FHIT: variants seen among roughly 807,000 people sequenced by gnomAD.
FHIT encodes bis(5'-adenosyl)-triphosphatase.
Under a neutral mutation model 17.9 loss-of-function variants are expected in FHIT, and 19 were observed. The observed-to-expected ratio is 1.06, with a 90% confidence interval of 0.74 to 1.56. The LOEUF is 1.56. Among genes scored for constraint, FHIT ranks in the 40% most tolerant of loss-of-function variants. FHIT has a pLI of 0.00. For missense variants in FHIT, 248 were observed against 189.2 expected (o/e 1.31, Z -1.82); for synonymous variants, 81 against 69.7 (o/e 1.16, Z -0.81).
At chr3:60,079,802 T>G (rs1319358312) in intron 5 of FHIT, among the ~76,000 whole-genome samples, 1 of 151,990 alleles carries the variant, frequency 6.6e-6, no homozygotes, top group African/African-American at 2.4e-5. Context: ...GCCCAGAAAA[T>G]TCTAAGTAAA....
At chr3:61,037,755 C>T (rs892911189) in intron 3 of FHIT, among the ~76,000 whole-genome samples, 4 of 152,220 alleles carry the variant, frequency 2.6e-5, no homozygotes, top group African/African-American at 9.6e-5. Context: ...TATCCTTCTG[C>T]CATTGGATGA....
intron 2 of FHIT, among the ~76,000 whole-genome samples, chr3:61,177,733 C>G (rs757015317): frequency 6.6e-6 from 1 of 152,136 alleles, no homozygotes; most frequent in East Asian, 1.9e-4. Flanking sequence ...ATGACTGATA[C>G]GTTTGCCTTT....
chr3:60,396,315 G>A (rs1420987132), intron 5 of FHIT, among the ~76,000 whole-genome samples: 1 of 152,152 alleles, frequency 6.6e-6, no homozygotes, highest in Non-Finnish European at 1.5e-5. Flanking sequence ...GGGATCTAGA[G>A]AAAACAGCTA....
intron 3 of FHIT, among the ~76,000 whole-genome samples, chr3:60,978,856 T>A (rs1184109797): frequency 6.6e-6 from 1 of 152,192 alleles, no homozygotes; most frequent in East Asian, 1.9e-4. Flanking sequence ...ATACCATGAC[T>A]TTGGCTCTTC....
At chr3:60,706,159 C>T (rs572296933) in intron 4 of FHIT, among the ~76,000 whole-genome samples, 6 of 146,122 alleles carry the variant, frequency 4.1e-5, no homozygotes, top group Middle Eastern at 3.5e-3. Context: ...AACCAGACAG[C>T]GTATGTTCTC....
intron 4 of FHIT, among the ~76,000 whole-genome samples, chr3:60,560,550 C>A (rs1012666632): frequency 9.2e-5 from 14 of 151,976 alleles, no homozygotes; most frequent in South Asian, 2.1e-4. Context: ...GTTCCCTCAC[C>A]CCAGGTCTGC....
intron 5 of FHIT, among the ~76,000 whole-genome samples, chr3:60,264,569 C>T (rs1706473912): frequency 6.6e-6 from 1 of 151,936 alleles, no homozygotes. Context: ...AACAATAATA[C>T]ATTAAGAGAG....
intron 3 of FHIT, among the ~76,000 whole-genome samples, chr3:60,955,608 A>ATATATATACATATATATATATACATG (rs1559862231): frequency 1.0e-4 from 1 of 9,672 alleles, no homozygotes; most frequent in Non-Finnish European, 3.3e-4. Context: ...ATATATATAT[A>ATATATATACATATATATATATACATG]TATATATATA....
chr3:60,701,940 T>C (rs1486015661), intron 4 of FHIT, among the ~76,000 whole-genome samples: 1 of 152,200 alleles, frequency 6.6e-6, no homozygotes, highest in Non-Finnish European at 1.5e-5. Context: ...AGAAGCAAGA[T>C]GGAATCAGTA....
At chr3:60,086,205 T>C (rs1414394215) in intron 5 of FHIT, among the ~76,000 whole-genome samples, 2 of 152,086 alleles carry the variant, frequency 1.3e-5, no homozygotes, top group Admixed American at 6.5e-5. Context: ...TGGAAACTAA[T>C]AGAGTGAGAA....
chr3:60,022,960 A>T (rs1273565830), intron 5 of FHIT, among the ~76,000 whole-genome samples: 1 of 152,214 alleles, frequency 6.6e-6, no homozygotes, highest in Non-Finnish European at 1.5e-5. Context: ...TCTAGAATTT[A>T]GATAATTCTG....
At chr3:61,209,248 A>T (rs772043352) in intron 1 of FHIT, among the ~76,000 whole-genome samples, 1 of 152,002 alleles carries the variant, frequency 6.6e-6, no homozygotes, top group Non-Finnish European at 1.5e-5. Context: ...CTGCCCTTAA[A>T]ATTTTTTACT....
intron 8 of FHIT, among the ~76,000 whole-genome samples, chr3:59,812,407 G>A (rs1473775360): frequency 2.0e-5 from 3 of 152,156 alleles, no homozygotes; most frequent in Admixed American, 2.0e-4. Context: ...GGAAGAAGTC[G>A]GCACACTCAG....
intron 4 of FHIT, among the ~76,000 whole-genome samples, chr3:60,794,454 T>C (rs1293079404): frequency 1.3e-5 from 2 of 151,894 alleles, no homozygotes; most frequent in Non-Finnish European, 2.9e-5. Context: ...AAAACAGTTT[T>C]CCACATTTTA....
chr3:59,983,570 T>C (rs528914094), intron 7 of FHIT, among the ~76,000 whole-genome samples: 1 of 152,266 alleles, frequency 6.6e-6, no homozygotes, highest in Non-Finnish European at 1.5e-5. Context: ...GAAAAAACAG[T>C]ACAAACAGAA....
At chr3:60,926,594 A>G (rs1707629116) in intron 3 of FHIT, among the ~76,000 whole-genome samples, 2 of 152,232 alleles carry the variant, frequency 1.3e-5, no homozygotes, top group Admixed American at 6.5e-5. Flanking sequence ...AATGCCCACA[A>G]GAGAAATCAG....
intron 3 of FHIT, among the ~76,000 whole-genome samples, chr3:60,988,736 T>G: frequency 6.6e-6 from 1 of 152,108 alleles, no homozygotes; most frequent in Middle Eastern, 3.4e-3. Context: ...GGTGATATAT[T>G]TGTTTGAGCT....
intron 7 of FHIT, among the ~76,000 whole-genome samples, chr3:59,965,586 C>T (rs1321621709): frequency 6.6e-6 from 1 of 152,104 alleles, no homozygotes; most frequent in Admixed American, 6.6e-5. Context: ...CAACTTCCTT[C>T]CATCCTCAAC....
chr3:60,321,360 C>T (rs553671521), intron 5 of FHIT, among the ~76,000 whole-genome samples: 112 of 152,238 alleles, frequency 7.4e-4, no homozygotes, highest in African/African-American at 2.7e-3. Context: ...CCTGTAGTCT[C>T]AGCTACTCAG....
Sources: gnomAD v4.1 joint callset for allele counts (sites outside exome capture counted in the v4.1 genomes callset) on GRCh38, gnomAD v4.1.1 for gene constraint, MANE v1.5 for transcripts, NCBI Gene and HGNC (gene_info 2026-07-23, HGNC 2026-07-21) for gene names.